SLFN12L: variants seen among roughly 807,000 people sequenced by gnomAD.
SLFN12L encodes schlafen family member 12-like.
In SLFN12L, 34 loss-of-function variants were observed where a neutral mutation model predicts 34.8. The ratio of observed to expected loss-of-function variants is 0.98; its 90% confidence interval spans 0.74 to 1.30. The LOEUF is 1.30. Ranked by LOEUF, SLFN12L falls within the 50% of genes most tolerant of loss-of-function variation. The pLI is 0.00. For synonymous variants in SLFN12L, 259 were observed against 247.5 expected (o/e 1.05, Z -0.44); for missense variants, 703 against 696.2 (o/e 1.01, Z -0.11).
chr17:35,496,828 G>C (rs975961368), intron 2 of SLFN12L, among the ~76,000 whole-genome samples: 2 of 152,152 alleles, frequency 1.3e-5, no homozygotes, highest in Non-Finnish European at 2.9e-5. Context: ...TTTGTGCAGG[G>C]AGCGGGTCAC....
At chr17:35,478,811 C>T (rs1467493708) in intron 3 of SLFN12L, among the ~76,000 whole-genome samples, 4 of 151,980 alleles carry the variant, frequency 2.6e-5, no homozygotes, top group African/African-American at 7.3e-5. Context: ...AGAAAATGAG[C>T]CCTGAAAGAA....
intron 2 of SLFN12L, chr17:35,487,932 G>A: frequency 1.4e-6 from 1 of 710,348 alleles, no homozygotes; most frequent in Non-Finnish European, 2.5e-6. Context: ...TCCAACGACG[G>A]GCGCGGTGAC....
intron 2 of SLFN12L, among the ~76,000 whole-genome samples, chr17:35,509,568 A>G (rs1316223091): frequency 6.6e-5 from 10 of 152,092 alleles, no homozygotes; most frequent in Admixed American, 6.5e-4. Flanking sequence ...GCCAGGCATA[A>G]ATTAGTTACA....
At position 35,470,288 on chromosome 17, in the gene SLFN12L, C is replaced by T. The variant is rs1219923882; in HGVS notation, c.*4635G>A. The T allele has an allele frequency of 6.4e-6, 1 of 156,480 alleles. No individual in the cohort carries two copies. Among genetic ancestry groups the T allele is most frequent in the African/African-American group, 2.4e-5 (1 of 41,484 alleles). The allele number at this position is 156,480 out of a possible 1,614,324, so 9.7% of individuals were successfully genotyped here. ...AACAGAACCATAGAAATTGGTCTGC[C>T]ATGTGTTAACGTTTAGTCCAAATCA... is the stretch of plus-strand genomic sequence containing the variant. On this transcript the variant is annotated 3_prime_UTR_variant, in exon 5 of 5. Transcript: ENST00000628453.
chr17:35,495,538 C>T (rs1033958075), intron 2 of SLFN12L, among the ~76,000 whole-genome samples: 24 of 152,150 alleles, frequency 1.6e-4, no homozygotes, highest in Non-Finnish European at 3.2e-4. Flanking sequence ...GGACACAGGC[C>T]AAAACAATCC....
At chr17:35,477,976 T>C in intron 4 of SLFN12L, 99 bp downstream of exon 4, 1 of 719,330 alleles carries the variant, frequency 1.4e-6, no homozygotes, top group Non-Finnish European at 2.2e-6. Flanking sequence ...AACAAAAGAA[T>C]GTGCTTCCAT....
At chr17:35,498,480 A>G in intron 2 of SLFN12L, 1 of 1,209,364 alleles carries the variant, frequency 8.3e-7, no homozygotes, top group Non-Finnish European at 1.2e-6. Context: ...TTCCCCGCAT[A>G]GCCACGAAGT....
In SLFN12L at chr17:35,474,371, T is replaced by C. The variant is rs1480463738; in HGVS notation, c.*552A>G. ...TCTAATTTCCCTTAAGGAATATCTA[T>C]AAAGAACTTAGGAAGAAGCGAACAT... On this transcript the variant is annotated 3_prime_UTR_variant, in exon 5 of 5. Transcript: ENST00000628453. 6.6e-6 allele frequency: 1 copy of C among 152,372 alleles called. No homozygotes were observed. The highest frequency in any genetic ancestry group is 2.4e-5 in the African/African-American group (1 of 41,478). 9.4% of individuals were successfully genotyped at this position (152,372 alleles called of 1,614,324 possible).
chr17:35,522,330 G>A lies in SLFN12L; in HGVS notation c.35C>T (p.Ala12Val). The stretch of plus-strand genomic sequence containing the variant: ...TTCACAAATGTAGAGAATTCTGTGT[G>A]CCTCACAGTGAAACACATTCCTGAT... ...EKIRNVFHCE[A>V]HRILYICESQ... Residue 12 changes from alanine (A) to valine (V), a missense_variant, in exon 2 of 5, where the codon GCA becomes GTA. Physicochemically the swap from Ala to Val is moderately conservative, Grantham distance 64. Transcript: ENST00000628453. The A allele has an allele frequency of 6.2e-7, 1 of 1,614,164 alleles. No homozygotes were observed. Among genetic ancestry groups the A allele is most frequent in the Non-Finnish European group, 8.5e-7 (1 of 1,180,026 alleles).
chr17:35,530,833 G>A (rs981741764), intron 1 of SLFN12L, among the ~76,000 whole-genome samples: 2 of 152,072 alleles, frequency 1.3e-5, no homozygotes, highest in Non-Finnish European at 2.9e-5. Context: ...CTATGCATTC[G>A]TGCATGCCGT....
rs1241696741 is a variant in SLFN12L, at chr17:35,479,230, C to T, written c.1052G>A (p.Arg351His). The change falls in exon 3 of 5, where the codon CGC (arginine) becomes CAC (histidine). Residue 351 changes from arginine to histidine, a missense_variant. By Grantham distance (29) the Arg-to-His change is conservative. Transcript: ENST00000628453. ...CGYVYALRVE[R>H]FCCAVFAKKP... is the part of the protein sequence containing the mutation. ...TTTAGCAAACACTGCACAGCAGAAG[C>T]GTTCCACTCTGAGTGCATACACATA... The T allele has an allele frequency of 3.1e-6, 5 of 1,590,618 alleles. No homozygotes were observed. The highest frequency in any genetic ancestry group is 1.8e-5 in the Admixed American group (1 of 56,796).
intron 1 of SLFN12L, among the ~76,000 whole-genome samples, chr17:35,532,266 C>T (rs2072418745): frequency 6.6e-6 from 1 of 151,846 alleles, no homozygotes; most frequent in African/African-American, 2.4e-5. Context: ...ATAGCGAAAC[C>T]CCGACTCTAC....
intron 2 of SLFN12L, among the ~76,000 whole-genome samples, chr17:35,488,704 G>A (rs987123064): frequency 6.6e-6 from 1 of 152,138 alleles, no homozygotes; most frequent in African/African-American, 2.4e-5. Flanking sequence ...AGGGCCTGCC[G>A]TTGGAAGTCC....
chr17:35,534,792 G>A (rs1371845657), intron 1 of SLFN12L, among the ~76,000 whole-genome samples: 1 of 152,188 alleles, frequency 6.6e-6, no homozygotes, highest in Non-Finnish European at 1.5e-5. Context: ...TTGAAAGGGA[G>A]AAAGGATCCA....
At chr17:35,501,841 C>T (rs929499185) in intron 2 of SLFN12L, among the ~76,000 whole-genome samples, 1 of 152,158 alleles carries the variant, frequency 6.6e-6, no homozygotes, top group Non-Finnish European at 1.5e-5. Context: ...GGCACCCAGA[C>T]CAGTTCCCAT....
chr17:35,521,873 C>A (rs552455096), intron 2 of SLFN12L, among the ~76,000 whole-genome samples: 129 of 151,818 alleles, frequency 8.5e-4, no homozygotes, highest in East Asian at 1.4e-3. Context: ...GACTCTGTCT[C>A]AAGAAAATGA....
intron 4 of SLFN12L, among the ~76,000 whole-genome samples, chr17:35,477,342 A>G (rs1914079323): frequency 1.3e-5 from 2 of 152,184 alleles, no homozygotes; most frequent in Admixed American, 1.3e-4. Flanking sequence ...ATAAACAGAA[A>G]TATCTTTATA....
chr17:35,506,739 G>A (rs978216048), intron 2 of SLFN12L, among the ~76,000 whole-genome samples: 1 of 152,162 alleles, frequency 6.6e-6, no homozygotes, highest in Non-Finnish European at 1.5e-5. Flanking sequence ...GAACTGTAAT[G>A]GGAGATCAAT....
intron 2 of SLFN12L, chr17:35,487,981 G>A: frequency 1.5e-6 from 1 of 673,776 alleles, no homozygotes; most frequent in South Asian, 1.5e-5. Context: ...GGCTGAGGAG[G>A]GTGGATCACC....
Sources: gnomAD v4.1 joint callset for allele counts (sites outside exome capture counted in the v4.1 genomes callset) on GRCh38, gnomAD v4.1.1 for gene constraint, MANE v1.5 for transcripts, NCBI Gene and HGNC (gene_info 2026-07-23, HGNC 2026-07-21) for gene names.